TMEM131L: variants seen among roughly 807,000 people sequenced by gnomAD.
TMEM131L encodes the protein transmembrane protein 131-like.
A neutral mutation model predicts 192.2 loss-of-function variants in TMEM131L; 54 were observed. The observed-to-expected ratio is 0.28, with a 90% CI of 0.23 to 0.35. The LOEUF is 0.35. Among genes scored for constraint, TMEM131L ranks in the 10% least tolerant of loss-of-function variants. The probability of loss-of-function intolerance (pLI) is 1.00; values close to 1 mark genes in which losing one functional copy is unlikely to be tolerated. For synonymous variants in TMEM131L, 701 were observed against 704.9 expected (o/e 0.99, Z 0.09); for missense variants, 1,888 against 1,972.9 (o/e 0.96, Z 0.82).
intron 13 of TMEM131L, among the ~76,000 whole-genome samples, 170 bp from the exon 14 acceptor site, chr4:153,586,039 T>TTACAAATGA (rs1730678117): frequency 6.6e-6 from 1 of 152,202 alleles, no homozygotes; most frequent in Non-Finnish European, 1.5e-5. Context: ...ATCTTAAGCA[T>TTACAAATGA]TATTTGTAAC....
intron 2 of TMEM131L, among the ~76,000 whole-genome samples, chr4:153,468,465 C>CAT (rs5863049): frequency 0.45 from 69,093 of 151,870 alleles, 18,325 homozygotes; most frequent in African/African-American, 0.75. Context: ...AAATAATATA[C>CAT]ATGTGTTTTT....
intron 26 of TMEM131L, among the ~76,000 whole-genome samples, chr4:153,617,565 T>C (rs1005173386): frequency 6.6e-6 from 1 of 152,220 alleles, no homozygotes; most frequent in Non-Finnish European, 1.5e-5. Context: ...AGCATTTTCC[T>C]TCATTTTTTG....
intron 4 of TMEM131L, among the ~76,000 whole-genome samples, chr4:153,552,029 C>G (rs1737663634): frequency 6.6e-6 from 1 of 151,626 alleles, no homozygotes; most frequent in Non-Finnish European, 1.5e-5. Flanking sequence ...GCCAACATGG[C>G]AAAACCCGTG....
chr4:153,559,997 A>G (rs780561666), intron 7 of TMEM131L, among the ~76,000 whole-genome samples: 29 of 151,904 alleles, frequency 1.9e-4, no homozygotes, highest in African/African-American at 4.6e-4. Context: ...TGTGTCTGCA[A>G]TGTTCTCAAC....
At chr4:153,614,492 G>A (rs868132924) in intron 26 of TMEM131L, among the ~76,000 whole-genome samples, 22 of 152,148 alleles carry the variant, frequency 1.4e-4, no homozygotes, top group Non-Finnish European at 2.9e-4. Flanking sequence ...CAGATTTGGG[G>A]GAGCTATTGA....
At chr4:153,539,492 A>AT (rs750436196) in intron 3 of TMEM131L, among the ~76,000 whole-genome samples, 1,604 of 110,782 alleles carry the variant, frequency 0.014, 48 homozygotes, top group African/African-American at 0.018. Context: ...CAGAGGCTAG[A>AT]TTTTTTTTTT....
chr4:153,525,571 C>T (rs1735411484), intron 3 of TMEM131L, among the ~76,000 whole-genome samples: 1 of 152,236 alleles, frequency 6.6e-6, no homozygotes, highest in Admixed American at 6.5e-5. Context: ...AGCTCCTGAC[C>T]TCAAGTGATC....
intron 7 of TMEM131L, among the ~76,000 whole-genome samples, chr4:153,573,254 C>A (rs1729711260): frequency 6.6e-6 from 1 of 152,228 alleles, no homozygotes; most frequent in Non-Finnish European, 1.5e-5. Context: ...CTTTTATAGC[C>A]TAATTCTCGC....
intron 7 of TMEM131L, among the ~76,000 whole-genome samples, chr4:153,562,027 A>G (rs1580219055): frequency 6.6e-6 from 1 of 151,092 alleles, no homozygotes; most frequent in African/African-American, 2.4e-5. Context: ...GTGATTTAAG[A>G]AAATAAATTT....
At chr4:153,544,348 A>G (rs1161338076) in intron 3 of TMEM131L, among the ~76,000 whole-genome samples, 2 of 152,236 alleles carry the variant, frequency 1.3e-5, no homozygotes, top group East Asian at 3.8e-4. Flanking sequence ...CCAAGAGCTG[A>G]GTAAACCCTT....
Position 153,603,467 on chromosome 4 carries a change from A to G in TMEM131L, c.2789+15A>G. 6.2e-7 allele frequency: 1 copy of G among 1,608,588 alleles called. No homozygotes were observed. Among genetic ancestry groups the G allele is most frequent in the Non-Finnish European group, 8.5e-7 (1 of 1,177,686 alleles). ...CATTCTTACAAGTAAGAATTCTTAT[A>G]GTGTGGTTGGGAGCGGGGGCGGTTT... On this transcript the variant is annotated intron_variant, in intron 24 of 34. Transcript: ENST00000409959.
intron 29 of TMEM131L, among the ~76,000 whole-genome samples, chr4:153,625,133 C>T (rs899621102): frequency 3.9e-5 from 6 of 152,136 alleles, no homozygotes; most frequent in South Asian, 2.1e-4. Context: ...AAATGGAGGC[C>T]GGGCGCAGTG....
intron 3 of TMEM131L, among the ~76,000 whole-genome samples, chr4:153,490,663 A>G (rs748039063): frequency 8.6e-4 from 131 of 152,156 alleles, no homozygotes; most frequent in Non-Finnish European, 1.6e-3. Context: ...TTCTAGATTT[A>G]AAAAATGAGC....
chr4:153,586,190 T>C lies in TMEM131L; in HGVS notation c.1312-19T>C, dbSNP rs1259045194. On this transcript the variant is annotated intron_variant, in intron 13 of 34. Coordinates refer to ENST00000409959, the MANE Select transcript of TMEM131L (RefSeq NM_001131007.2). ...TTAGTGTTAGGAAAAGTAATTTCTC[T>C]TGCTTCTTTTCTTTTTAGATTCTGA... 6.5e-7 allele frequency: 1 copy of C among 1,526,954 alleles called. No homozygotes were observed. The highest frequency in any genetic ancestry group is 2.3e-5 in the Admixed American group (1 of 43,096). 94.6% of individuals were successfully genotyped at this position (1,526,954 alleles called of 1,614,324 possible).
Position 153,592,516 on chromosome 4 carries a change from C to A in TMEM131L, c.1854C>A (p.Val618=), listed in dbSNP as rs1326162468. The part of the protein sequence containing the change: ...FVVQNPSSWP[V]SLQLLPLSLY... ...TGCAGAACCCGTCCTCTTGGCCGGT[C>A]TCCTTGCAGCTCCTGCCTCTCTCCT... Residue 618 remains valine, a synonymous_variant, in exon 18 of 35, where the codon GTC becomes GTA. Transcript: ENST00000409959. The A allele has an allele frequency of 6.2e-7, 1 of 1,614,168 alleles. No homozygotes were observed. The highest frequency in any genetic ancestry group is 8.5e-7 in the Non-Finnish European group (1 of 1,180,006).
chr4:153,549,912 A>G (rs1737476674), intron 3 of TMEM131L, among the ~76,000 whole-genome samples, 161 bp from the exon 4 acceptor site: 1 of 152,370 alleles, frequency 6.6e-6, no homozygotes, highest in South Asian at 2.1e-4. Context: ...TTACAACTCT[A>G]GAATTATACC....
chr4:153,589,128 C>G (rs1377678656), intron 16 of TMEM131L, 121 bp downstream of exon 16: 3 of 619,654 alleles, frequency 4.8e-6, no homozygotes. Context: ...ATGCCTGAAA[C>G]TGTAGCAGAC....
At chr4:153,546,440 A>G (rs1737181216) in intron 3 of TMEM131L, among the ~76,000 whole-genome samples, 1 of 152,202 alleles carries the variant, frequency 6.6e-6, no homozygotes, top group South Asian at 2.1e-4. Flanking sequence ...GACTTTCGCA[A>G]GAAAGGGGGG....
At chr4:153,535,925 T>G (rs1736284007) in intron 3 of TMEM131L, among the ~76,000 whole-genome samples, 2 of 152,244 alleles carry the variant, frequency 1.3e-5, no homozygotes, top group Non-Finnish European at 2.9e-5. Context: ...GGCAGCACTT[T>G]TTTCATGTTG....
Sources: allele counts gnomAD v4.1 joint callset (sites outside exome capture counted in the v4.1 genomes callset), GRCh38; gene constraint gnomAD v4.1.1; transcripts MANE v1.5; gene names NCBI Gene and HGNC (gene_info 2026-07-23, HGNC 2026-07-21).